AGR3: variants seen among roughly 807,000 people sequenced by gnomAD.
AGR3 encodes anterior gradient protein 3.
A neutral mutation model predicts 24.5 loss-of-function variants in AGR3; 37 were observed. The ratio of observed to expected loss-of-function variants is 1.51; its 90% confidence interval spans 1.16 to 1.99. AGR3 has a LOEUF of 1.99. Ranked by LOEUF, AGR3 falls within the 30% of genes most tolerant of loss-of-function variation. The pLI is 0.00. For missense variants in AGR3, 228 were observed against 191.1 expected (o/e 1.19, Z -1.14); for synonymous variants, 75 against 61.6 (o/e 1.22, Z -1.02).
intron 6 of AGR3, among the ~76,000 whole-genome samples, 189 bp from the exon 7 acceptor site, chr7:16,860,772 CAGTT>C (rs1395583089): frequency 1.3e-5 from 2 of 152,112 alleles, no homozygotes; most frequent in Non-Finnish European, 2.9e-5. Flanking sequence ...TAGTAGCCAA[CAGTT>C]AGTTTTTCAT....
chr7:16,876,419 C>G (rs889660784), intron 2 of AGR3, among the ~76,000 whole-genome samples: 1 of 152,048 alleles, frequency 6.6e-6, no homozygotes, highest in African/African-American at 2.4e-5. Flanking sequence ...TTGGATCATT[C>G]TATGTGTGTG....
chr7:16,865,473 T>C (rs994517674), intron 3 of AGR3: 1 of 748,132 alleles, frequency 1.3e-6, no homozygotes, highest in Non-Finnish European at 2.4e-6. Flanking sequence ...GGTAGAATGC[T>C]CTTCCCGAAT....
chr7:16,860,073 T>C (rs1410480453), intron 7 of AGR3, among the ~76,000 whole-genome samples: 1 of 147,408 alleles, frequency 6.8e-6, no homozygotes, highest in African/African-American at 2.5e-5. Flanking sequence ...CTGGGCAACA[T>C]ACCAAGACCC....
intron 3 of AGR3, among the ~76,000 whole-genome samples, chr7:16,869,408 T>C (rs1222943036): frequency 6.6e-6 from 1 of 152,166 alleles, no homozygotes; most frequent in African/African-American, 2.4e-5. Flanking sequence ...TTTGATCCTT[T>C]CAATTGCAGT....
intron 3 of AGR3, among the ~76,000 whole-genome samples, chr7:16,868,600 G>A (rs1458705915): frequency 2.0e-5 from 3 of 151,932 alleles, no homozygotes; most frequent in Non-Finnish European, 4.4e-5. Flanking sequence ...TATTCTGTTG[G>A]TTATTTCTTC....
chr7:16,862,091 T>A (rs1781661779), intron 4 of AGR3, 31 bp from the exon 5 acceptor site: 1 of 1,535,162 alleles, frequency 6.5e-7, no homozygotes, highest in Admixed American at 1.7e-5. Context: ...GCCAGTTAGT[T>A]TTAAGGATCA....
At chr7:16,878,726 A>G (rs1173010310) in intron 1 of AGR3, 81 bp from the exon 2 acceptor site, 10 of 1,061,646 alleles carry the variant, frequency 9.4e-6, no homozygotes, top group East Asian at 2.4e-5. Context: ...GAGTTGGACC[A>G]ATACTGTGAT....
chr7:16,862,079 T>C lies in AGR3; in HGVS notation c.227-19A>G. 1 of 1,586,474 alleles carries C rather than the reference T, an allele frequency of 6.3e-7. No individual in the cohort carries two copies. Among genetic ancestry groups the C allele is most frequent in the Non-Finnish European group, 8.6e-7 (1 of 1,158,376 alleles). On this transcript the variant is annotated intron_variant, in intron 4 of 7. Coordinates refer to ENST00000310398, the MANE Select transcript of AGR3 (RefSeq NM_176813.5). ...TTTAGTGCTATAGGGGAAAACAAAA[T>C]TGCCAGTTAGTTTTAAGGATCAAGA... is the stretch of plus-strand genomic sequence containing the variant.
At chr7:16,869,595 C>A (rs893146141) in intron 3 of AGR3, among the ~76,000 whole-genome samples, 3 of 151,470 alleles carry the variant, frequency 2.0e-5, no homozygotes, top group Non-Finnish European at 4.4e-5. Context: ...CATGTGGTGG[C>A]ACACATTTGT....
intron 3 of AGR3, among the ~76,000 whole-genome samples, chr7:16,866,946 T>G (rs931653635): frequency 6.6e-6 from 1 of 152,142 alleles, no homozygotes; most frequent in Non-Finnish European, 1.5e-5. Flanking sequence ...TTTTAGACTT[T>G]TTCTTTTATC....
At chr7:16,873,876 C>G (rs1309079873) in intron 2 of AGR3, 33 bp from the exon 3 acceptor site, 14 of 1,537,920 alleles carry the variant, frequency 9.1e-6, no homozygotes, top group Non-Finnish European at 1.2e-5. Flanking sequence ...ATGCAGTAAC[C>G]CAGAACTAGA....
chr7:16,876,045 A>G (rs111886351), intron 2 of AGR3, among the ~76,000 whole-genome samples: 1 of 152,202 alleles, frequency 6.6e-6, no homozygotes, highest in Non-Finnish European at 1.5e-5. Flanking sequence ...TAGTTCCACA[A>G]ACAGTAAAGG....
At chr7:16,879,816 A>T (rs891745062) in intron 1 of AGR3, among the ~76,000 whole-genome samples, 1 of 152,218 alleles carries the variant, frequency 6.6e-6, no homozygotes, top group Non-Finnish European at 1.5e-5. Context: ...GGCAATTTTA[A>T]TCACCTAGTT....
intron 3 of AGR3, chr7:16,865,411 T>A (rs1781738119): frequency 2.1e-6 from 2 of 953,284 alleles, no homozygotes; most frequent in Non-Finnish European, 3.4e-6. Context: ...ACTATTCGAT[T>A]AAGAAATTTC....
chr7:16,859,866 G>A (rs1781606929), intron 7 of AGR3, among the ~76,000 whole-genome samples: 1 of 152,066 alleles, frequency 6.6e-6, no homozygotes, highest in Non-Finnish European at 1.5e-5. Context: ...GTTTTGAGGA[G>A]TACCTCTTTT....
At chr7:16,861,296 A>G in intron 6 of AGR3, 88 bp downstream of exon 6, 2 of 974,790 alleles carry the variant, frequency 2.1e-6, no homozygotes, top group South Asian at 3.9e-5. Flanking sequence ...TAAAAAGAAT[A>G]GTACTTGAAC....
downstream of AGR3, among the ~76,000 whole-genome samples, chr7:16,858,796 G>A (rs1781587465): frequency 6.6e-6 from 1 of 152,070 alleles, no homozygotes; most frequent in African/African-American, 2.4e-5. Flanking sequence ...GCTTGAACGG[G>A]TAGCAGCGGG....
intron 3 of AGR3, among the ~76,000 whole-genome samples, chr7:16,872,267 C>G (rs1193270660): frequency 6.6e-6 from 1 of 152,056 alleles, no homozygotes; most frequent in Non-Finnish European, 1.5e-5. Flanking sequence ...AAACCTAGAC[C>G]AATGGAATAG....
intron 4 of AGR3, among the ~76,000 whole-genome samples, chr7:16,862,315 G>C (rs1430592493): frequency 6.6e-6 from 1 of 152,124 alleles, no homozygotes; most frequent in Non-Finnish European, 1.5e-5. Context: ...TGACTCATTG[G>C]TTAAGACAAC....
Sources: gnomAD v4.1 joint callset for allele counts (sites outside exome capture counted in the v4.1 genomes callset) on GRCh38, gnomAD v4.1.1 for gene constraint, MANE v1.5 for transcripts, NCBI Gene and HGNC (gene_info 2026-07-23, HGNC 2026-07-21) for gene names.